PLXNA2: variants seen among roughly 807,000 people sequenced by gnomAD.
PLXNA2 encodes plexin-A2.
Under a neutral mutation model 193.5 loss-of-function variants are expected in PLXNA2, and 91 were observed. The ratio of observed to expected loss-of-function variants is 0.47; its 90% CI spans 0.40 to 0.56. The LOEUF (loss-of-function observed/expected upper bound fraction) is 0.56, where lower values mean the gene tolerates loss of function less well. Ranked by LOEUF, PLXNA2 falls within the 20% of genes least tolerant of loss-of-function variation. The pLI, the probability that PLXNA2 is intolerant of heterozygous loss-of-function variation, is 0.00. For synonymous variants in PLXNA2, 997 were observed against 1,027.3 expected (o/e 0.97, Z 0.56); for missense variants, 1,995 against 2,503.2 (o/e 0.80, Z 4.33).
intron 12 of PLXNA2, among the ~76,000 whole-genome samples, chr1:208,068,882 G>A (rs747058061): frequency 3.3e-5 from 5 of 152,200 alleles, no homozygotes; most frequent in Non-Finnish European, 7.3e-5. Context: ...GCGTCTTAAT[G>A]GGACTTTTAA....
chr1:208,226,312 G>C (rs1671508569), intron 1 of PLXNA2, among the ~76,000 whole-genome samples: 1 of 152,050 alleles, frequency 6.6e-6, no homozygotes, highest in African/African-American at 2.4e-5. Flanking sequence ...GCCCTGTCCT[G>C]GGACTGCTTT....
chr1:208,202,961 C>T (rs1220145705), intron 3 of PLXNA2, among the ~76,000 whole-genome samples: 1 of 152,166 alleles, frequency 6.6e-6, no homozygotes, highest in Admixed American at 6.5e-5. Flanking sequence ...TTAGTTTCTC[C>T]CCTTTCAGAA....
Position 208,151,807 on chromosome 1 carries a change from G to T in PLXNA2, c.1372-9344C>A, listed in dbSNP as rs962520667. Among the ~76,000 whole-genome samples, 2 of 152,196 alleles carry T rather than the reference G, an allele frequency of 1.3e-5. 1 individual carries two copies. Among genetic ancestry groups the T allele is most frequent in the Non-Finnish European group, 2.9e-5 (2 of 68,034 alleles). ...CAGAGTGAAACTCGAAGCTGAATCTGTCTGATTCCAAAGCCTGAACTCTTT... is the reference window on the plus strand; with the variant it reads ...CAGAGTGAAACTCGAAGCTGAATCTTTCTGATTCCAAAGCCTGAACTCTTT... On this transcript the variant is annotated intron_variant, in intron 3 of 31. Transcript: ENST00000367033.
chr1:208,039,962 C>T (rs377077875), intron 23 of PLXNA2, 30 bp downstream of exon 23: 373 of 1,610,150 alleles, frequency 2.3e-4, no homozygotes, highest in South Asian at 3.6e-4. Context: ...CTGCCCTGGA[C>T]GCTAGGCCCC....
chr1:208,064,776 C>T (rs1665734964), intron 12 of PLXNA2, among the ~76,000 whole-genome samples: 1 of 152,004 alleles, frequency 6.6e-6, no homozygotes, highest in East Asian at 1.9e-4. Flanking sequence ...GGAGGGGAGG[C>T]TTGGTGACAA....
intron 22 of PLXNA2, 30 bp from the exon 23 acceptor site, chr1:208,040,088 T>A: frequency 6.3e-7 from 1 of 1,589,948 alleles, no homozygotes; most frequent in Non-Finnish European, 8.6e-7. Context: ...TAAGGGGCAG[T>A]CCTTCACAGA....
At chr1:208,164,328 C>A (rs988311078) in intron 3 of PLXNA2, among the ~76,000 whole-genome samples, 4 of 152,150 alleles carry the variant, frequency 2.6e-5, no homozygotes, top group Non-Finnish European at 5.9e-5. Flanking sequence ...AGAGGAGAAA[C>A]AAGAGCTCTG....
intron 4 of PLXNA2, among the ~76,000 whole-genome samples, chr1:208,113,753 G>C (rs1667560126): frequency 6.6e-6 from 1 of 151,956 alleles, no homozygotes; most frequent in East Asian, 1.9e-4. Context: ...ATGGGGTCTT[G>C]CCATGTGGCT....
intron 4 of PLXNA2, among the ~76,000 whole-genome samples, chr1:208,138,545 G>A (rs997695201): frequency 2.0e-5 from 3 of 152,200 alleles, no homozygotes; most frequent in South Asian, 2.1e-4. Context: ...ACCCTTCAGC[G>A]AAGATGCTCA....
intron 4 of PLXNA2, among the ~76,000 whole-genome samples, chr1:208,105,095 C>T (rs1051044808): frequency 3.9e-5 from 6 of 152,178 alleles, no homozygotes; most frequent in South Asian, 2.1e-4. Context: ...CTGTGGAGTC[C>T]GGAGTTCAGG....
chr1:208,031,271 C>G, intron 29 of PLXNA2: 1 of 1,185,950 alleles, frequency 8.4e-7, no homozygotes, highest in Non-Finnish European at 1.1e-6. Context: ...TCCCCCAGCT[C>G]CCTTCTCCTG....
At chr1:208,151,795 G>A (rs909298539) in intron 3 of PLXNA2, among the ~76,000 whole-genome samples, 2 of 152,192 alleles carry the variant, frequency 1.3e-5, no homozygotes, top group South Asian at 2.1e-4. Context: ...AGTGAAACTC[G>A]AAGCTGAATC....
At chr1:208,231,433 T>C (rs1671688900) in intron 1 of PLXNA2, among the ~76,000 whole-genome samples, 1 of 152,062 alleles carries the variant, frequency 6.6e-6, no homozygotes, top group Admixed American at 6.5e-5. Flanking sequence ...AGATCCAACA[T>C]GTTCCGCACC....
chr1:208,053,153 G>A (rs1439395758), intron 14 of PLXNA2, among the ~76,000 whole-genome samples: 1 of 152,252 alleles, frequency 6.6e-6, no homozygotes, highest in Non-Finnish European at 1.5e-5. Context: ...TCTGCCTGGA[G>A]GGCAGTGGAG....
chr1:208,029,631 A>G (rs1664441611), intron 29 of PLXNA2: 2 of 987,470 alleles, frequency 2.0e-6, no homozygotes, highest in Admixed American at 6.0e-5. Flanking sequence ...GTATCTGGGC[A>G]GGGGCAGAGG....
At chr1:208,193,728 A>T (rs1670258732) in intron 3 of PLXNA2, among the ~76,000 whole-genome samples, 1 of 152,122 alleles carries the variant, frequency 6.6e-6, no homozygotes, top group South Asian at 2.1e-4. Flanking sequence ...CATGCCCAAA[A>T]TATAAAAAAT....
At chr1:208,199,791 A>G (rs1670482501) in intron 3 of PLXNA2, among the ~76,000 whole-genome samples, 1 of 152,172 alleles carries the variant, frequency 6.6e-6, no homozygotes, top group African/African-American at 2.4e-5. Flanking sequence ...CGTGGGTAAG[A>G]ACCTGGGTGA....
At chr1:208,239,054 C>T (rs983913251) in intron 1 of PLXNA2, among the ~76,000 whole-genome samples, 9 of 152,088 alleles carry the variant, frequency 5.9e-5, no homozygotes, top group Admixed American at 5.9e-4. Context: ...GACAGAGGCC[C>T]AAAGGTCCCA....
At position 208,044,221 on chromosome 1, in the gene PLXNA2, T is replaced by C. The variant is rs1040597471; in HGVS notation, c.3874+287A>G. 6.6e-6 allele frequency among the ~76,000 whole-genome samples: 1 copy of C among 152,134 alleles called. No individual in the cohort carries two copies. Among genetic ancestry groups the C allele is most frequent in the Non-Finnish European group, 1.5e-5 (1 of 68,018 alleles). On this transcript the variant is annotated intron_variant, in intron 20 of 31. Transcript: ENST00000367033. The surrounding 1 kb of genome is among the most constrained non-coding windows in gnomAD (Gnocchi z 4.9). ...CTGGGGACTCTGACTGTGGGGACAT[T>C]GAGGCCCTGAGAGGGAGAAAGTGTT...
Sources: gnomAD v4.1 joint callset for allele counts (sites outside exome capture counted in the v4.1 genomes callset) on GRCh38, gnomAD v4.1.1 for gene constraint, Gnocchi (gnomAD v3.1) non-coding constraint, MANE v1.5 for transcripts, NCBI Gene and HGNC (gene_info 2026-07-23, HGNC 2026-07-21) for gene names.